Variants in CYRIB observed in about 807,000 individuals in gnomAD.
The protein encoded by CYRIB is CYFIP-related Rac1 interactor B.
Under a neutral mutation model 44.2 loss-of-function variants are expected in CYRIB, and 8 were observed. That is an observed-to-expected ratio of 0.18 (90% confidence interval 0.11 to 0.33). The LOEUF is 0.33. Among genes scored for constraint, CYRIB ranks in the 10% least tolerant of loss-of-function variants. The pLI, the probability that CYRIB is intolerant of heterozygous loss-of-function variation, is 1.00. For synonymous variants in CYRIB, 131 were observed against 127.2 expected (o/e 1.03, Z -0.20); for missense variants, 185 against 382.8 (o/e 0.48, Z 4.31).
intron 1 of CYRIB, among the ~76,000 whole-genome samples, chr8:129,921,302 A>G (rs1446447522): frequency 1.3e-5 from 2 of 152,204 alleles, no homozygotes; most frequent in East Asian, 3.8e-4. Context: ...AAACTAAAAC[A>G]GGAAGGTTTT....
At chr8:129,906,798 G>A (rs981466054) in intron 1 of CYRIB, among the ~76,000 whole-genome samples, 3 of 152,168 alleles carry the variant, frequency 2.0e-5, no homozygotes, top group African/African-American at 4.8e-5. Flanking sequence ...CGAAGGATAC[G>A]AACAGACACT....
intron 1 of CYRIB, among the ~76,000 whole-genome samples, chr8:130,013,091 G>GA (rs1253561586): frequency 6.6e-6 from 1 of 152,186 alleles, no homozygotes; most frequent in Non-Finnish European, 1.5e-5. Flanking sequence ...TCTGGCCTTT[G>GA]AGACGCCTAT....
At chr8:129,910,888 C>T (rs950251555) in intron 1 of CYRIB, among the ~76,000 whole-genome samples, 1 of 152,184 alleles carries the variant, frequency 6.6e-6, no homozygotes, top group African/African-American at 2.4e-5. Context: ...GAACTCCTGG[C>T]CTCAAGGTGT....
chr8:129,867,429 ATTT>A (rs1564345979), intron 4 of CYRIB, among the ~76,000 whole-genome samples: 8 of 149,982 alleles, frequency 5.3e-5, no homozygotes. Context: ...TTGGCTATTT[ATTT>A]TTTTAAAATT....
intron 4 of CYRIB, among the ~76,000 whole-genome samples, chr8:129,867,630 C>T (rs1315194807): frequency 1.3e-5 from 2 of 151,662 alleles, no homozygotes; most frequent in Non-Finnish European, 2.9e-5. Context: ...TATAATTCAA[C>T]ATTATTAGTA....
At chr8:129,922,442 T>G (rs922805455) in intron 1 of CYRIB, among the ~76,000 whole-genome samples, 4 of 152,040 alleles carry the variant, frequency 2.6e-5, no homozygotes, top group Admixed American at 1.3e-4. Flanking sequence ...TACAGATCAG[T>G]TTTTTGAGAT....
intron 2 of CYRIB, among the ~76,000 whole-genome samples, chr8:129,899,405 A>C (rs952565069): frequency 6.6e-6 from 1 of 152,214 alleles, no homozygotes; most frequent in Non-Finnish European, 1.5e-5. Context: ...GGAATAAGCT[A>C]ATTGTAAATG....
At chr8:129,909,306 T>C (rs953339480) in intron 1 of CYRIB, among the ~76,000 whole-genome samples, 6 of 152,254 alleles carry the variant, frequency 3.9e-5, no homozygotes, top group Non-Finnish European at 7.3e-5. Flanking sequence ...ATTATAAGGG[T>C]AAAACATGCT....
intron 1 of CYRIB, among the ~76,000 whole-genome samples, chr8:129,915,472 T>A (rs542011433): frequency 6.6e-6 from 1 of 152,014 alleles, no homozygotes; most frequent in East Asian, 1.9e-4. Flanking sequence ...TCTAAAAAAA[T>A]TAATTAATAA....
At chr8:129,975,285 G>C (rs936295658) in intron 1 of CYRIB, among the ~76,000 whole-genome samples, 1 of 152,138 alleles carries the variant, frequency 6.6e-6, no homozygotes, top group African/African-American at 2.4e-5. Flanking sequence ...CAAAGTGCTG[G>C]GATTACAGGC....
At chr8:129,904,889 C>T (rs1390347299) in intron 1 of CYRIB, among the ~76,000 whole-genome samples, 2 of 152,222 alleles carry the variant, frequency 1.3e-5, no homozygotes, top group African/African-American at 2.4e-5. Context: ...AGTTGGCTGG[C>T]TGAGGCCACC....
chr8:129,855,645 AT>A lies in CYRIB; in HGVS notation c.403del (p.Ile135PhefsTer13). 1 of 1,614,116 alleles carries A rather than the reference AT, an allele frequency of 6.2e-7. No homozygotes were observed. Among genetic ancestry groups the A allele is most frequent in the Non-Finnish European group, 8.5e-7 (1 of 1,180,026 alleles). ...ATCAAACCGGAGTGTGAAATGAAGA[AT>A]TTCTGCAAACTGTTTAGCAAGAGCC... On this transcript the variant is annotated frameshift_variant, in exon 6 of 12. Transcript: ENST00000519824. LOFTEE classifies it high-confidence loss of function.
chr8:129,988,295 C>G (rs2133152852), intron 1 of CYRIB, among the ~76,000 whole-genome samples: 1 of 152,330 alleles, frequency 6.6e-6, no homozygotes, highest in East Asian at 1.9e-4. Flanking sequence ...CTTCGGCACG[C>G]TGCTGACGCA....
intron 1 of CYRIB, among the ~76,000 whole-genome samples, chr8:129,992,896 G>A (rs1383118738): frequency 6.6e-6 from 1 of 152,168 alleles, no homozygotes; most frequent in African/African-American, 2.4e-5. Flanking sequence ...ATTTGGCTCC[G>A]AGCTTCCTGG....
At chr8:129,917,252 T>A (rs971610584) in intron 1 of CYRIB, among the ~76,000 whole-genome samples, 1 of 152,220 alleles carries the variant, frequency 6.6e-6, no homozygotes, top group African/African-American at 2.4e-5. Flanking sequence ...ACACCAGTCA[T>A]CATTCTTACC....
At chr8:129,934,610 G>A (rs1434264943) in intron 1 of CYRIB, among the ~76,000 whole-genome samples, 1 of 152,156 alleles carries the variant, frequency 6.6e-6, no homozygotes, top group Non-Finnish European at 1.5e-5. Context: ...CCCATCATGA[G>A]TTTTGCCTAG....
chr8:130,011,116 G>T (rs543750710), intron 1 of CYRIB, among the ~76,000 whole-genome samples: 2 of 151,944 alleles, frequency 1.3e-5, no homozygotes, highest in African/African-American at 4.8e-5. Context: ...CTAGAAGCCC[G>T]CCACTGACTC....
intron 1 of CYRIB, among the ~76,000 whole-genome samples, chr8:130,014,253 G>A (rs1319994304): frequency 6.6e-6 from 1 of 152,136 alleles, no homozygotes; most frequent in Non-Finnish European, 1.5e-5. Flanking sequence ...AACATGGAGA[G>A]ACCCCATCTC....
intron 2 of CYRIB, among the ~76,000 whole-genome samples, chr8:129,882,253 G>A (rs1156544085): frequency 6.6e-6 from 1 of 152,160 alleles, no homozygotes; most frequent in Non-Finnish European, 1.5e-5. Flanking sequence ...TAGCTTACTA[G>A]CTGTTTGACC....
Sources: gnomAD v4.1 joint callset for allele counts (sites outside exome capture counted in the v4.1 genomes callset) on GRCh38, gnomAD v4.1.1 for gene constraint, MANE v1.5 for transcripts, NCBI Gene and HGNC (gene_info 2026-07-23, HGNC 2026-07-21) for gene names.